TIMP3: variants seen among roughly 807,000 people sequenced by gnomAD.
The protein encoded by TIMP3 is TIMP metallopeptidase inhibitor 3, also known as metalloproteinase inhibitor 3.
TIMP3 carries 11 observed loss-of-function variants against 30.0 expected under a neutral mutation model. The observed-to-expected ratio is 0.37, with a 90% CI of 0.23 to 0.61. The LOEUF (loss-of-function observed/expected upper bound fraction) is 0.61. TIMP3 is among the 20% of genes least tolerant of loss of function. The probability of loss-of-function intolerance (pLI) is 0.70; values close to 1 mark genes in which losing one functional copy is unlikely to be tolerated. For missense variants in TIMP3, 181 were observed against 276.8 expected, an observed-to-expected ratio of 0.65 and a Z score of 2.45; for synonymous variants, 112 against 111.3, an observed-to-expected ratio of 1.01 and a Z score of -0.04.
intron 4 of TIMP3, 40 bp downstream of exon 4, chr22:32,858,178 G>T: frequency 1.9e-6 from 3 of 1,609,774 alleles, no homozygotes; most frequent in South Asian, 1.1e-5. Flanking sequence ...GGGAGGTGCT[G>T]ACTTGCAGCC....
chr22:32,804,706 G>A (rs1218417615), intron 1 of TIMP3, among the ~76,000 whole-genome samples: 5 of 152,182 alleles, frequency 3.3e-5, no homozygotes, highest in Non-Finnish European at 7.3e-5. Flanking sequence ...GGGAGGAGGA[G>A]TTAAAAGGTG....
Position 32,860,940 on chromosome 22 carries a change from C to T in TIMP3, c.*1563C>T, listed in dbSNP as rs1488262965. On this transcript the variant is annotated 3_prime_UTR_variant, in exon 5 of 5. Coordinates refer to ENST00000266085, the MANE Select transcript of TIMP3 (RefSeq NM_000362.5). Reference sequence around the variant, plus strand: ...TTTTTTTTTTTTTTTTGAAATAAAACTATAATATAAATTCTCCTATTAAAT... The same window carrying T: ...TTTTTTTTTTTTTTTTGAAATAAAATTATAATATAAATTCTCCTATTAAAT... 1.4e-5 allele frequency: 2 copies of T among 139,404 alleles called. No homozygotes were observed. The highest frequency in any genetic ancestry group is 4.3e-4 in the East Asian group (2 of 4,688). 8.6% of individuals were successfully genotyped at this position (139,404 alleles called of 1,614,324 possible). A position where few individuals can be genotyped will look rare whatever the true frequency, so the allele number is the denominator to read the frequency against.
rs111426599 is a variant in TIMP3 at position 32,855,073 on chromosome 22, T to C, written c.205-2176T>C. On this transcript the variant is annotated intron_variant, in intron 2 of 4. Transcript: ENST00000266085. The stretch of plus-strand genomic sequence containing the variant: ...TAAATTAATACCAAATGCCAGGAAG[T>C]AAAGTAGAGGCATTTTCCTATTATA... Among the ~76,000 whole-genome samples the C allele has an allele frequency of 7.7e-3, 1,171 of 152,320 alleles. 20 individuals carry two copies. The highest frequency in any genetic ancestry group is 0.027 in the African/African-American group (1,135 of 41,566).
chr22:32,830,697 C>T (rs1023717180), intron 1 of TIMP3, among the ~76,000 whole-genome samples: 1 of 152,210 alleles, frequency 6.6e-6, no homozygotes, highest in Non-Finnish European at 1.5e-5. Context: ...GTGTCTGTCC[C>T]TGCAGGGCCC....
chr22:32,853,850 G>A (rs2048290495), intron 2 of TIMP3, among the ~76,000 whole-genome samples: 1 of 152,214 alleles, frequency 6.6e-6, no homozygotes, highest in Non-Finnish European at 1.5e-5. Context: ...TTTTACAGAT[G>A]AAGAAACTGA....
chr22:32,858,314 C>T (rs1351505815), intron 4 of TIMP3, among the ~76,000 whole-genome samples, 176 bp downstream of exon 4: 1 of 152,166 alleles, frequency 6.6e-6, no homozygotes, highest in Non-Finnish European at 1.5e-5. Context: ...CCAGGTGGGG[C>T]AGTGAGGAAG....
Position 32,846,518 on chromosome 22 carries a change from TCTCAGCG to T in TIMP3, c.122-2931_122-2925del, listed in dbSNP as rs1160010511. 2.0e-5 allele frequency among the ~76,000 whole-genome samples: 3 copies of T among 152,190 alleles called. No individual in the cohort carries two copies. The East Asian group carries it at 5.8e-4, about 29-fold the overall frequency. ...AGGTTTGGGATGGACTACATACTGT[TCTCAGCG>T]CTTATATTAATACGACCCTCACAGC... is the stretch of plus-strand genomic sequence containing the variant. On this transcript the variant is annotated intron_variant, in intron 1 of 4. Transcript: ENST00000266085.
chr22:32,822,401 C>G (rs1321715403), intron 1 of TIMP3, among the ~76,000 whole-genome samples: 1 of 152,170 alleles, frequency 6.6e-6, no homozygotes, highest in Non-Finnish European at 1.5e-5. Context: ...ACTTGCACTT[C>G]CTATCCTCAT....
At chr22:32,857,632 T>G (rs1450766345) in intron 3 of TIMP3, among the ~76,000 whole-genome samples, 1 of 152,216 alleles carries the variant, frequency 6.6e-6, no homozygotes, top group African/African-American at 2.4e-5. Flanking sequence ...AGGGAGTATC[T>G]GTTCCTCTCC....
chr22:32,857,183 G>A (rs1165045022), intron 2 of TIMP3, 66 bp from the exon 3 acceptor site: 1 of 1,208,834 alleles, frequency 8.3e-7, no homozygotes, highest in African/African-American at 1.5e-5. Context: ...CCCAGCAGTG[G>A]GATTAGGGAT....
chr22:32,805,500 C>T (rs1271250332), intron 1 of TIMP3, among the ~76,000 whole-genome samples: 1 of 152,118 alleles, frequency 6.6e-6, no homozygotes, highest in Non-Finnish European at 1.5e-5. Flanking sequence ...TCTGGGGGAC[C>T]CAGGCTGTGG....
rs1446573563 is a variant in TIMP3 at position 32,837,439 on chromosome 22, A to G, written c.122-12013A>G. ...AGGTCAGCATGCCCCCTTAAACTTG[A>G]TGTCTCCTCAGAGCACAGCACAGAT... is the stretch of plus-strand genomic sequence containing the variant. On this transcript the variant is annotated intron_variant, in intron 1 of 4. Coordinates refer to ENST00000266085, the MANE Select transcript of TIMP3 (RefSeq NM_000362.5). This position sits in a 1 kb window ranked among gnomAD's most constrained non-coding sequence, Gnocchi z 4.1. Among the ~76,000 whole-genome samples, 2 of 152,072 alleles carry G rather than the reference A, an allele frequency of 1.3e-5. No homozygotes were observed. Among genetic ancestry groups the G allele is most frequent in the African/African-American group, 2.4e-5 (1 of 41,398 alleles).
intron 1 of TIMP3, among the ~76,000 whole-genome samples, chr22:32,841,312 G>C (rs538884859): frequency 3.9e-5 from 6 of 152,332 alleles, no homozygotes; most frequent in African/African-American, 1.4e-4. Context: ...GCCAGTGTCT[G>C]ATAGAGCACA....
chr22:32,856,250 T>C (rs557575319), intron 2 of TIMP3, among the ~76,000 whole-genome samples: 1 of 150,638 alleles, frequency 6.6e-6, no homozygotes, highest in Admixed American at 6.6e-5. Context: ...CTTCTCTGGA[T>C]TTCTGAAAAG....
intron 1 of TIMP3, among the ~76,000 whole-genome samples, chr22:32,812,396 C>G (rs2046939171): frequency 6.6e-6 from 1 of 152,192 alleles, no homozygotes; most frequent in Non-Finnish European, 1.5e-5. Context: ...GACCACCAAA[C>G]TTCTGTTGGA....
intron 1 of TIMP3, among the ~76,000 whole-genome samples, chr22:32,807,290 G>C (rs1446552838): frequency 7.8e-6 from 1 of 127,538 alleles, no homozygotes; most frequent in African/African-American, 2.9e-5. Context: ...TGATGGTTTG[G>C]AGGATATATA....
intron 1 of TIMP3, among the ~76,000 whole-genome samples, chr22:32,840,552 T>A (rs1383151724): frequency 6.6e-6 from 1 of 151,170 alleles, no homozygotes; most frequent in Non-Finnish European, 1.5e-5. Flanking sequence ...GGTCATCATC[T>A]TCCTGGAAAG....
In TIMP3 at chr22:32,859,452, A is replaced by G; in HGVS notation, c.*75A>G. ...CTTGGACACTAACTCTTCCCAGATGATGACAATGAAATTAGTGCCTGTTTT... is the reference window on the plus strand; with the variant it reads ...CTTGGACACTAACTCTTCCCAGATGGTGACAATGAAATTAGTGCCTGTTTT... On this transcript the variant is annotated 3_prime_UTR_variant, in exon 5 of 5. Transcript: ENST00000266085. The G allele has an allele frequency of 6.6e-7, 1 of 1,518,278 alleles. No individual in the cohort carries two copies. The highest frequency in any genetic ancestry group is 8.8e-7 in the Non-Finnish European group (1 of 1,130,608). 94.1% of individuals were successfully genotyped at this position (1,518,278 alleles called of 1,614,324 possible).
At chr22:32,802,776 G>A (rs1293985980) in intron 1 of TIMP3, among the ~76,000 whole-genome samples, 1 of 152,212 alleles carries the variant, frequency 6.6e-6, no homozygotes, top group Non-Finnish European at 1.5e-5. Context: ...ATAGCCAGCA[G>A]AAGGTGCGAG....
Sources: allele counts gnomAD v4.1 joint callset (sites outside exome capture counted in the v4.1 genomes callset), GRCh38; gene constraint gnomAD v4.1.1; non-coding constraint Gnocchi (gnomAD v3.1); transcripts MANE v1.5; gene names NCBI Gene and HGNC (gene_info 2026-07-23, HGNC 2026-07-21).